Variants in CNOT6L observed in about 807,000 individuals in gnomAD.
CNOT6L encodes the protein CCR4-NOT transcription complex subunit 6-like.
A neutral mutation model predicts 64.0 loss-of-function variants in CNOT6L; 7 were observed. That is an observed-to-expected ratio of 0.11 (90% confidence interval 0.06 to 0.21). CNOT6L has a LOEUF of 0.21. CNOT6L is among the 10% of genes least tolerant of loss of function. The probability of loss-of-function intolerance (pLI) is 1.00; values close to 1 mark genes in which losing one functional copy is unlikely to be tolerated. For synonymous variants in CNOT6L, 193 were observed against 243.4 expected (o/e 0.79, Z 1.93); for missense variants, 245 against 669.0 (o/e 0.37, Z 6.99).
At chr4:77,738,937 T>A (rs780708697) in intron 8 of CNOT6L, among the ~76,000 whole-genome samples, 2 of 152,184 alleles carry the variant, frequency 1.3e-5, no homozygotes, top group African/African-American at 2.4e-5. Context: ...TATTTTCTAG[T>A]ATCTCTATGC....
At chr4:77,766,652 C>T (rs1189347599) in intron 4 of CNOT6L, among the ~76,000 whole-genome samples, 1 of 150,676 alleles carries the variant, frequency 6.6e-6, no homozygotes, top group Admixed American at 6.6e-5. Context: ...CAAGAAGGCT[C>T]ACTATAAGAT....
intron 1 of CNOT6L, among the ~76,000 whole-genome samples, chr4:77,808,697 T>G: frequency 6.6e-6 from 1 of 152,224 alleles, no homozygotes; most frequent in South Asian, 2.1e-4. Context: ...GATATTACAG[T>G]AGTCTATTAA....
At position 77,717,101 on chromosome 4, in the gene CNOT6L, T is replaced by TATAG. The variant is rs1282836758; in HGVS notation, c.*3326_*3329dup. On this transcript the variant is annotated 3_prime_UTR_variant, in exon 12 of 12. Transcript: ENST00000504123. ...TATATCTGAATTCTAAAAAGTTGCC[T>TATAG]ATAGAATGGTGCTGGGATTCTGTTC... The TATAG allele has an allele frequency of 6.6e-6, 1 of 152,532 alleles. No individual in the cohort carries two copies. Among genetic ancestry groups the TATAG allele is most frequent in the Non-Finnish European group, 1.5e-5 (1 of 68,004 alleles). The allele number at this position is 152,532 out of a possible 1,614,324, so 9.4% of individuals were successfully genotyped here. A position where few individuals can be genotyped will look rare whatever the true frequency, so the allele number is the denominator to read the frequency against.
chr4:77,750,814 C>T (rs943674807), intron 5 of CNOT6L, among the ~76,000 whole-genome samples: 2 of 152,176 alleles, frequency 1.3e-5, no homozygotes, highest in Middle Eastern at 3.2e-3. Flanking sequence ...CAACCTTCCT[C>T]CCCACACCTA....
chr4:77,804,283 GC>G (rs745900997), intron 1 of CNOT6L, among the ~76,000 whole-genome samples: 1 of 151,894 alleles, frequency 6.6e-6, no homozygotes, highest in East Asian at 1.9e-4. Context: ...CAAAAAATGA[GC>G]CAGGCGTGGT....
At chr4:77,786,010 G>A (rs909307529) in intron 1 of CNOT6L, among the ~76,000 whole-genome samples, 40 of 152,324 alleles carry the variant, frequency 2.6e-4, no homozygotes, top group African/African-American at 7.2e-4. Flanking sequence ...GCCGGGTGCG[G>A]TGGCTCATGC....
At chr4:77,757,890 A>G (rs1206973223) in intron 4 of CNOT6L, among the ~76,000 whole-genome samples, 2 of 152,148 alleles carry the variant, frequency 1.3e-5, no homozygotes, top group East Asian at 3.9e-4. Flanking sequence ...AGTAGAGACA[A>G]GGTTTTATCA....
chr4:77,796,347 G>A (rs1730848028), intron 1 of CNOT6L, among the ~76,000 whole-genome samples: 1 of 152,094 alleles, frequency 6.6e-6, no homozygotes, highest in Non-Finnish European at 1.5e-5. Flanking sequence ...TATGTGTTGG[G>A]GGAGGTGCTT....
intron 1 of CNOT6L, among the ~76,000 whole-genome samples, chr4:77,809,562 G>A (rs906522568): frequency 6.6e-6 from 1 of 152,048 alleles, no homozygotes; most frequent in African/African-American, 2.4e-5. Flanking sequence ...TGAACCTATA[G>A]AAGAATATAC....
chr4:77,756,696 T>C (rs939680952), intron 5 of CNOT6L, among the ~76,000 whole-genome samples, 166 bp downstream of exon 5: 15 of 152,080 alleles, frequency 9.9e-5, no homozygotes, highest in African/African-American at 3.6e-4. Context: ...TAGAAAACAT[T>C]CAGTATATGA....
At chr4:77,817,755 G>C (rs1408691295) in intron 1 of CNOT6L, among the ~76,000 whole-genome samples, 1 of 152,164 alleles carries the variant, frequency 6.6e-6, no homozygotes, top group Non-Finnish European at 1.5e-5. Flanking sequence ...ACTTCCCCGT[G>C]AACAGCATAC....
intron 1 of CNOT6L, among the ~76,000 whole-genome samples, chr4:77,810,683 CATA>C (rs930052808): frequency 4.6e-5 from 7 of 152,228 alleles, no homozygotes; most frequent in Admixed American, 6.5e-5. Context: ...TTTGAAACTA[CATA>C]ATAATATTGT....
intron 7 of CNOT6L, 140 bp downstream of exon 7, chr4:77,744,578 G>T: frequency 3.0e-6 from 2 of 677,652 alleles, no homozygotes; most frequent in Non-Finnish European, 4.6e-6. Context: ...TATTTAAATT[G>T]TCCATTATTT....
At chr4:77,740,930 C>T (rs1560581569) in intron 8 of CNOT6L, among the ~76,000 whole-genome samples, 1 of 152,172 alleles carries the variant, frequency 6.6e-6, no homozygotes, top group Non-Finnish European at 1.5e-5. Flanking sequence ...CTGGGAACAA[C>T]AGGCTATACC....
At chr4:77,737,382 A>G (rs995721112) in intron 8 of CNOT6L, among the ~76,000 whole-genome samples, 12 of 150,770 alleles carry the variant, frequency 8.0e-5, no homozygotes, top group Non-Finnish European at 3.0e-5. Context: ...AAGTAGATAA[A>G]TAACATCCTA....
intron 4 of CNOT6L, 100 bp from the exon 5 acceptor site, chr4:77,757,051 T>G (rs1725648483): frequency 1.8e-6 from 1 of 548,802 alleles, no homozygotes; most frequent in Admixed American, 3.6e-5. Context: ...TAAATTCAAT[T>G]TCTTAAATTG....
chr4:77,808,107 T>C (rs11727750), intron 1 of CNOT6L, among the ~76,000 whole-genome samples: 9,138 of 152,152 alleles, frequency 0.06, 391 homozygotes, highest in Non-Finnish European at 0.088. Context: ...AAAAAGAATA[T>C]GCAACAGAGA....
chr4:77,757,817 A>G (rs982529488), intron 4 of CNOT6L, among the ~76,000 whole-genome samples: 6 of 152,080 alleles, frequency 3.9e-5, no homozygotes, highest in African/African-American at 9.7e-5. Flanking sequence ...CTCGTGCCTC[A>G]GCCTCCCAAG....
At chr4:77,791,279 A>C (rs1730117232) in intron 1 of CNOT6L, among the ~76,000 whole-genome samples, 1 of 152,172 alleles carries the variant, frequency 6.6e-6, no homozygotes, top group Non-Finnish European at 1.5e-5. Flanking sequence ...CCGTCTCCAA[A>C]TAATCATCAT....
Sources: gnomAD v4.1 joint callset for allele counts (sites outside exome capture counted in the v4.1 genomes callset) on GRCh38, gnomAD v4.1.1 for gene constraint, MANE v1.5 for transcripts, NCBI Gene and HGNC (gene_info 2026-07-23, HGNC 2026-07-21) for gene names.